Variants in CRYBA2 observed in about 807,000 individuals in gnomAD.
CRYBA2 encodes the protein crystallin beta A2.
In CRYBA2, 17 loss-of-function variants were observed where a neutral mutation model predicts 18.5. The ratio of observed to expected loss-of-function variants is 0.92; its 90% confidence interval spans 0.63 to 1.38. CRYBA2 has a LOEUF of 1.38. Among genes scored for constraint, CRYBA2 ranks in the 40% most tolerant of loss-of-function variants. CRYBA2 has a pLI of 0.00. For missense variants in CRYBA2, 271 were observed against 265.0 expected, an observed-to-expected ratio of 1.02 and a Z score of -0.16; for synonymous variants, 101 against 106.2, an observed-to-expected ratio of 0.95 and a Z score of 0.30.
rs758888018 is a variant in CRYBA2 at position 218,993,093 on chromosome 2, C to T, written c.84G>A (p.Arg28=). Residue 28 remains arginine, a synonymous_variant, in exon 1 of 4, where the codon CGG becomes CGA. Coordinates refer to ENST00000295728, the MANE Select transcript of CRYBA2 (RefSeq NM_057093.2). The surrounding 1 kb of genome is among the most constrained non-coding windows in gnomAD (Gnocchi z 7.7). Reference sequence around the variant, plus strand: ...AGACGTTCGCACAGTCGCTTAGCAGCCGACAGCGACGGCCCTGGAAGTCCT... The same window carrying T: ...AGACGTTCGCACAGTCGCTTAGCAGTCGACAGCGACGGCCCTGGAAGTCCT... ...DEEDFQGRRC[R]LLSDCANVCE... The T allele has an allele frequency of 2.5e-6, 4 of 1,611,826 alleles. No individual in the cohort carries two copies. The highest frequency in any genetic ancestry group is 3.4e-6 in the Non-Finnish European group (4 of 1,179,400).
chr2:218,993,244 C>G lies in CRYBA2; in HGVS notation c.-68G>C. The G allele has an allele frequency of 6.8e-7, 1 of 1,473,074 alleles. No individual in the cohort carries two copies. The allele number at this position is 1,473,074 out of a possible 1,614,324, so 91.3% of individuals were successfully genotyped here. A position where few individuals can be genotyped will look rare whatever the true frequency, so the allele number is the denominator to read the frequency against. On this transcript the variant is annotated 5_prime_UTR_variant, in exon 1 of 4. Transcript: ENST00000295728. This position sits in a 1 kb window ranked among gnomAD's most constrained non-coding sequence, Gnocchi z 7.7. ...CAAGAGCCCCGTTTCGAGCCACACA[C>G]AGCCTGCCCAACCTGGGTAGCGGAT...
rs1295587948 is a variant in CRYBA2, at chr2:218,993,233, C to T, written c.-57G>A. ...GCTCAGCGTCTCAAGAGCCCCGTTT[C>T]GAGCCACACACAGCCTGCCCAACCT... On this transcript the variant is annotated 5_prime_UTR_variant, in exon 1 of 4. Transcript: ENST00000295728. This position sits in a 1 kb window ranked among gnomAD's most constrained non-coding sequence, Gnocchi z 7.7. 2.6e-5 allele frequency: 40 copies of T among 1,518,830 alleles called. No homozygotes were observed. Among genetic ancestry groups the T allele is most frequent in the Non-Finnish European group, 3.3e-5 (37 of 1,129,804 alleles). The allele number at this position is 1,518,830 out of a possible 1,614,324, so 94.1% of individuals were successfully genotyped here.
At position 218,992,354 on chromosome 2, in the gene CRYBA2, C is replaced by T. The variant is rs1179238303; in HGVS notation, c.162-111G>A. On this transcript the variant is annotated intron_variant, in intron 1 of 3. Coordinates refer to ENST00000295728, the MANE Select transcript of CRYBA2 (RefSeq NM_057093.2). Reference sequence around the variant, plus strand: ...AGAAGCACAATGTTTTTCTCCAACCCCAAACCCTTCCCCTGACACCCCCAT... The same window carrying T: ...AGAAGCACAATGTTTTTCTCCAACCTCAAACCCTTCCCCTGACACCCCCAT... 3.5e-6 allele frequency: 4 copies of T among 1,158,778 alleles called. No individual in the cohort carries two copies. In the African/African-American group the frequency reaches 6.2e-5, roughly 18 times the overall value. 71.8% of individuals were successfully genotyped at this position (1,158,778 alleles called of 1,614,324 possible).
intron 2 of CRYBA2, 27 bp downstream of exon 2, chr2:218,992,075 A>G (rs759526410): frequency 1.3e-6 from 2 of 1,597,634 alleles, no homozygotes; most frequent in Non-Finnish European, 1.7e-6. Flanking sequence ...GCTAGGAGGC[A>G]GGGGAGGAGA....
At chr2:218,991,634 G>C in intron 2 of CRYBA2, 1 of 158,250 alleles carries the variant, frequency 6.3e-6, no homozygotes, top group Non-Finnish European at 1.4e-5. Flanking sequence ...CTCTCTTTCG[G>C]TGTATTTGAT....
At chr2:218,991,900 G>T in intron 2 of CRYBA2, 1 of 581,244 alleles carries the variant, frequency 1.7e-6, no homozygotes, top group Non-Finnish European at 3.0e-6. Flanking sequence ...CCGTGGTGAT[G>T]ATTTCTGGGC....
At position 218,993,273 on chromosome 2, in the gene CRYBA2, G is replaced by T; in HGVS notation, c.-97C>A. ...CTGCCCAACCTGGGTAGCGGATGAA[G>T]AACCCGGGGGCTGGACCCGGCCTAG... On this transcript the variant is annotated 5_prime_UTR_variant, in exon 1 of 4. Transcript: ENST00000295728. The surrounding 1 kb of genome is among the most constrained non-coding windows in gnomAD (Gnocchi z 7.7). The T allele has an allele frequency of 7.7e-7, 1 of 1,292,334 alleles. No individual in the cohort carries two copies. Among genetic ancestry groups the T allele is most frequent in the Non-Finnish European group, 1.1e-6 (1 of 950,430 alleles). 80.1% of individuals were successfully genotyped at this position (1,292,334 alleles called of 1,614,324 possible).
chr2:218,990,976 C>T lies in CRYBA2; in HGVS notation c.322G>A (p.Val108Met), dbSNP rs746653019. Reference sequence around the variant, plus strand: ...AAGTTGTCCCCCTCAAACAGTGTCACACGGCTGTCATTGTGGTTCTGAGGC... The same window carrying T: ...AAGTTGTCCCCCTCAAACAGTGTCATACGGCTGTCATTGTGGTTCTGAGGC... ...VLCANHNDSRVTLFEGDNFQG... is the reference protein window; with the variant it reads ...VLCANHNDSRMTLFEGDNFQG... The change falls in exon 3 of 4, where the codon GTG becomes ATG. Residue 108 changes from valine (V) to methionine (M), a missense_variant. Physicochemically the swap from Val to Met is conservative, Grantham distance 21. Transcript: ENST00000295728. 1.9e-5 allele frequency: 30 copies of T among 1,614,054 alleles called. No homozygotes were observed. The highest frequency in any genetic ancestry group is 2.3e-5 in the Non-Finnish European group (27 of 1,180,032).
chr2:218,991,696 A>T (rs536986701), intron 2 of CRYBA2, among the ~76,000 whole-genome samples: 3 of 152,220 alleles, frequency 2.0e-5, no homozygotes, highest in Non-Finnish European at 1.5e-5. Context: ...ACACACTGAG[A>T]CTGACTCTTT....
rs948625438 is a variant in CRYBA2, at chr2:218,993,397, G to C, written c.-221C>G. On this transcript the variant is annotated 5_prime_UTR_variant, in exon 1 of 4. Coordinates refer to ENST00000295728, the MANE Select transcript of CRYBA2 (RefSeq NM_057093.2). The surrounding 1 kb of genome is among the most constrained non-coding windows in gnomAD (Gnocchi z 7.7). ...CACCGGGTGGGTGAGCGCGGCACGC[G>C]AGGGAAATGGACCGGCTGCGAGGCT... The C allele has an allele frequency of 1.1e-5, 6 of 549,436 alleles. No individual in the cohort carries two copies. Among genetic ancestry groups the C allele is most frequent in the Non-Finnish European group, 1.9e-5 (6 of 315,634 alleles). 34.0% of individuals were successfully genotyped at this position (549,436 alleles called of 1,614,324 possible). A position where few individuals can be genotyped will look rare whatever the true frequency, so the allele number is the denominator to read the frequency against.
At chr2:218,991,203 G>A (rs1281047451) in intron 2 of CRYBA2, 1 of 607,656 alleles carries the variant, frequency 1.6e-6, no homozygotes, top group Admixed American at 3.3e-5. Flanking sequence ...CCCCTCCCAT[G>A]ACTTTGAGAT....
Position 218,992,470 on chromosome 2 carries a change from C to A in CRYBA2, c.162-227G>T, listed in dbSNP as rs1328709267. On this transcript the variant is annotated intron_variant, in intron 1 of 3. Transcript: ENST00000295728. ...CGCCCAGGCTTCCCCCTCAAGGACC[C>A]CAGGTTGGGAAAGAGTTTTCCTGGT... 2.0e-5 allele frequency among the ~76,000 whole-genome samples: 3 copies of A among 152,332 alleles called. No individual in the cohort carries two copies. In the East Asian group the frequency reaches 5.8e-4, roughly 29 times the overall value.
At position 218,990,196 on chromosome 2, in the gene CRYBA2, A is replaced by G; in HGVS notation, c.*56T>C. 6.2e-7 allele frequency: 1 copy of G among 1,602,188 alleles called. No homozygotes were observed. The highest frequency in any genetic ancestry group is 8.5e-7 in the Non-Finnish European group (1 of 1,170,504). Reference sequence around the variant, plus strand: ...ACACCAAGGAGGCAAGAGGGGCAGGAAGATTCAGGAACCTTTATTGAGTGT... The same window carrying G: ...ACACCAAGGAGGCAAGAGGGGCAGGGAGATTCAGGAACCTTTATTGAGTGT... On this transcript the variant is annotated 3_prime_UTR_variant, in exon 4 of 4. Coordinates refer to ENST00000295728, the MANE Select transcript of CRYBA2 (RefSeq NM_057093.2).
intron 2 of CRYBA2, 134 bp downstream of exon 2, chr2:218,991,968 A>G (rs1383434059): frequency 1.4e-6 from 1 of 737,946 alleles, no homozygotes; most frequent in African/African-American, 1.8e-5. Context: ...ATTCTGAGAA[A>G]TAATGCTACT....
In CRYBA2 at chr2:218,990,273, G is replaced by A; in HGVS notation, c.573C>T (p.Ser191=). ...GTQAHTGQLQ[S]IRRVQH ...GAGCCTAGTGCTGGACTCTCCGGATGGACTGCAGCTGCCCAGTGTGGGCCT... is the reference window on the plus strand; with the variant it reads ...GAGCCTAGTGCTGGACTCTCCGGATAGACTGCAGCTGCCCAGTGTGGGCCT... The change falls in exon 4 of 4, where the codon TCC becomes TCT. Residue 191 remains serine (S), a synonymous_variant. Transcript: ENST00000295728. 1 of 1,614,148 alleles carries A rather than the reference G, an allele frequency of 6.2e-7. No homozygotes were observed. The highest frequency in any genetic ancestry group is 8.5e-7 in the Non-Finnish European group (1 of 1,180,016).
At position 218,993,247 on chromosome 2, in the gene CRYBA2, C is replaced by A; in HGVS notation, c.-71G>T. The A allele has an allele frequency of 6.9e-7, 1 of 1,445,152 alleles. No homozygotes were observed. Among genetic ancestry groups the A allele is most frequent in the Non-Finnish European group, 9.3e-7 (1 of 1,074,620 alleles). 89.5% of individuals were successfully genotyped at this position (1,445,152 alleles called of 1,614,324 possible). A position where few individuals can be genotyped will look rare whatever the true frequency, so the allele number is the denominator to read the frequency against. On this transcript the variant is annotated 5_prime_UTR_variant, in exon 1 of 4. Coordinates refer to ENST00000295728, the MANE Select transcript of CRYBA2 (RefSeq NM_057093.2). The surrounding 1 kb of genome is among the most constrained non-coding windows in gnomAD (Gnocchi z 7.7). ...GAGCCCCGTTTCGAGCCACACACAG[C>A]CTGCCCAACCTGGGTAGCGGATGAA... is the stretch of plus-strand genomic sequence containing the variant.
chr2:218,992,980 T>C, intron 1 of CRYBA2, 36 bp downstream of exon 1: 1 of 1,567,528 alleles, frequency 6.4e-7, no homozygotes, highest in Non-Finnish European at 8.7e-7. Flanking sequence ...CCAGCGCCCC[T>C]CAACCCAGCC....
In CRYBA2 at chr2:218,990,329, C is replaced by G. The variant is rs1284922338; in HGVS notation, c.517G>C (p.Glu173Gln). The change falls in exon 4 of 4, where the codon GAG (glutamate) becomes CAG (glutamine). Residue 173 changes from glutamate (E) to glutamine (Q), a missense_variant. Transcript: ENST00000295728. ...CCGAGCTCACCGTAAGTACAGAACT[C>G]TCCGCTGTGCCGGTCCCGCTCCAAC... Reference protein sequence around the residue: ...YVLERDRHSGEFCTYGELGTQ... With the variant: ...YVLERDRHSGQFCTYGELGTQ... 3.7e-6 allele frequency: 6 copies of G among 1,614,180 alleles called. No homozygotes were observed. Among genetic ancestry groups the G allele is most frequent in the Non-Finnish European group, 3.4e-6 (4 of 1,180,028 alleles).
At chr2:218,992,353 C>T (rs1340450101) in intron 1 of CRYBA2, 110 bp from the exon 2 acceptor site, 4 of 1,187,066 alleles carry the variant, frequency 3.4e-6, no homozygotes, top group Admixed American at 4.9e-5. Flanking sequence ...TTTCTCCAAC[C>T]CCAAACCCTT....
Sources: gnomAD v4.1 joint callset for allele counts (sites outside exome capture counted in the v4.1 genomes callset) on GRCh38, gnomAD v4.1.1 for gene constraint, Gnocchi (gnomAD v3.1) non-coding constraint, MANE v1.5 for transcripts, NCBI Gene and HGNC (gene_info 2026-07-23, HGNC 2026-07-21) for gene names.